The following POLD1 variants were observed in gnomAD, a reference collection of about 807,000 sequenced individuals.
POLD1 encodes DNA polymerase delta 1, catalytic subunit.
In POLD1, 79 loss-of-function variants were observed where a neutral mutation model predicts 129.7. The observed-to-expected ratio is 0.61, with a 90% CI of 0.51 to 0.73. The LOEUF (loss-of-function observed/expected upper bound fraction) is 0.73, where lower values mean the gene tolerates loss of function less well. Ranked by LOEUF, POLD1 falls within the 30% of genes least tolerant of loss-of-function variation. The probability of loss-of-function intolerance (pLI) is 0.00; values close to 1 mark genes in which losing one functional copy is unlikely to be tolerated. For missense variants in POLD1, 1,338 were observed against 1,595.8 expected, an observed-to-expected ratio of 0.84 and a Z score of 2.75; for synonymous variants, 714 against 683.3, an observed-to-expected ratio of 1.04 and a Z score of -0.70.
Position 50,417,264 on chromosome 19 carries a change from C to T in POLD1, c.3213C>T (p.Cys1071=), listed in dbSNP as rs767002660. 2.5e-6 allele frequency: 4 copies of T among 1,592,624 alleles called. No homozygotes were observed. The South Asian group carries it at 4.5e-5, about 18-fold the overall frequency. Residue 1071 remains cysteine (C), a synonymous_variant, in exon 26 of 27, where the codon TGC becomes TGT. Coordinates refer to ENST00000440232, the MANE Select transcript of POLD1 (RefSeq NM_002691.4). ...CQGSLHEDVI[C]TSRDCPIFYM... ...GCAGCCTGCACGAGGACGTCATCTG[C>T]ACCAGGTGTGTGCCATGTCCCGACC... is the stretch of plus-strand genomic sequence containing the variant.
chr19:50,413,977 A>T lies in POLD1; in HGVS notation c.2388+98A>T, dbSNP rs1340705439. On this transcript the variant is annotated intron_variant, in intron 19 of 26. Coordinates refer to ENST00000440232, the MANE Select transcript of POLD1 (RefSeq NM_002691.4). ...TTCACAAAAGCCACAGTGTGAAGGGATGTTGCTGCTTAGATTCTCCTGAGG... is the reference window on the plus strand; with the variant it reads ...TTCACAAAAGCCACAGTGTGAAGGGTTGTTGCTGCTTAGATTCTCCTGAGG... 5 of 1,278,508 alleles carry T rather than the reference A, an allele frequency of 3.9e-6. No homozygotes were observed. The East Asian group carries it at 9.9e-5, about 25-fold the overall frequency. The allele number at this position is 1,278,508 out of a possible 1,614,324, so 79.2% of individuals were successfully genotyped here. A position where few individuals can be genotyped will look rare whatever the true frequency, so the allele number is the denominator to read the frequency against.
rs1223342533 is a variant in POLD1, at chr19:50,401,989, C to A, written c.464-10C>A. 1 of 1,614,154 alleles carries A rather than the reference C, an allele frequency of 6.2e-7. No homozygotes were observed. Among genetic ancestry groups the A allele is most frequent in the South Asian group, 1.1e-5 (1 of 91,084 alleles). On this transcript the variant is annotated splice_polypyrimidine_tract_variant and intron_variant, in intron 4 of 26. Transcript: ENST00000440232. ...GCCCCCTGCACCTCTGATCATCCCT[C>A]CCACACCAGGTTTCGGGCCCGAGCA...
At chr19:50,385,253 C>A (rs3219292) in intron 1 of POLD1, among the ~76,000 whole-genome samples, 2,682 of 152,158 alleles carry the variant, frequency 0.018, 72 homozygotes, top group African/African-American at 0.058. Context: ...AATCAGGCTC[C>A]GGTTACCTTT....
At chr19:50,413,151 C>G (rs1276535652) in intron 17 of POLD1, among the ~76,000 whole-genome samples, 3 of 152,164 alleles carry the variant, frequency 2.0e-5, no homozygotes, top group Non-Finnish European at 4.4e-5. Flanking sequence ...CCTCTTCAGG[C>G]CGCAGTCTTT....
intron 2 of POLD1, 119 bp from the exon 3 acceptor site, chr19:50,399,252 C>A: frequency 2.6e-6 from 3 of 1,150,728 alleles, no homozygotes; most frequent in South Asian, 1.4e-5. Context: ...CATTCTCTTC[C>A]AAGTTTCCTG....
chr19:50,408,656 T>C, intron 14 of POLD1, 129 bp from the exon 15 acceptor site: 1 of 1,381,880 alleles, frequency 7.2e-7, no homozygotes, highest in Non-Finnish European at 9.8e-7. Context: ...GTGCTGGGAT[T>C]GCAGGAGCGA....
chr19:50,398,748 T>C, intron 1 of POLD1, 103 bp from the exon 2 acceptor site: 1 of 1,512,320 alleles, frequency 6.6e-7, no homozygotes, highest in Non-Finnish European at 8.8e-7. Flanking sequence ...CAGTCCAGAG[T>C]AGGAAAAGGC....
Position 50,416,430 on chromosome 19 carries a change from T to C in POLD1, c.2855T>C (p.Ile952Thr), listed in dbSNP as rs1555793299. The change falls in exon 23 of 27, where the codon ATT (isoleucine) becomes ACT (threonine). Residue 952 changes from isoleucine (I) to threonine (T), a missense_variant. This residue lies in a region of POLD1 where 286 missense variants were observed against 277.5 expected (regional missense o/e 1.03). Transcript: ENST00000440232. ...TTCGTGCTGGAGCACAGCCTGCCCA[T>C]TGACACGCAGTACTACCTGGAGCAG... The part of the protein sequence containing the change: ...PLFVLEHSLP[I>T]DTQYYLEQQL... The C allele has an allele frequency of 2.6e-6, 4 of 1,549,986 alleles. No homozygotes were observed. In the East Asian group the frequency reaches 7.3e-5, roughly 28 times the overall value.
chr19:50,389,972 G>A (rs897595730), intron 1 of POLD1, among the ~76,000 whole-genome samples: 4 of 144,326 alleles, frequency 2.8e-5, no homozygotes, highest in African/African-American at 1.0e-4. Context: ...GCAGTGGTGC[G>A]ATCTTGGCTC....
chr19:50,406,877 TCCCAGGCCCTC>T lies in POLD1; in HGVS notation c.1495-98_1495-88del. ...GGAGGGCCCTCCTGCCCGCCTCACCTCCCAGGCCCTCCCCAGGCTACCTCACCCTGACCCCC... is the reference window on the plus strand; with the variant it reads ...GGAGGGCCCTCCTGCCCGCCTCACCTCCCAGGCTACCTCACCCTGACCCCC... On this transcript the variant is annotated intron_variant, in intron 12 of 26. Coordinates refer to ENST00000440232, the MANE Select transcript of POLD1 (RefSeq NM_002691.4). This position sits in a 1 kb window ranked among gnomAD's most constrained non-coding sequence, Gnocchi z 5.5. 1 of 859,724 alleles carries T rather than the reference TCCCAGGCCCTC, an allele frequency of 1.2e-6. No individual in the cohort carries two copies. Among genetic ancestry groups the T allele is most frequent in the South Asian group, 1.7e-5 (1 of 59,918 alleles). The allele number at this position is 859,724 out of a possible 1,614,324, so 53.3% of individuals were successfully genotyped here. A position where few individuals can be genotyped will look rare whatever the true frequency, so the allele number is the denominator to read the frequency against.
chr19:50,408,957 G>A, intron 15 of POLD1, 56 bp downstream of exon 15: 1 of 1,537,506 alleles, frequency 6.5e-7, no homozygotes, highest in Admixed American at 1.8e-5. Flanking sequence ...CTTCCCTTGG[G>A]GGGCTCAGTC....
rs9282831 is a variant in POLD1 at position 50,398,912 on chromosome 19, G to T, written c.61G>T (p.Gly21Cys). The T allele has an allele frequency of 3.8e-6, 6 of 1,599,132 alleles. No individual in the cohort carries two copies. Among genetic ancestry groups the T allele is most frequent in the Non-Finnish European group, 5.1e-6 (6 of 1,174,328 alleles). The change falls in exon 2 of 27, where the codon GGC (glycine) becomes TGC (cysteine). Residue 21 changes from glycine (G) to cysteine (C), a missense_variant. Around this residue, in one of 3 missense-constraint regions of POLD1, gnomAD observed 332 missense variants for 315.7 expected, o/e 1.05. Transcript: ENST00000440232. ...PGVPPKRARG[G>C]LWDDDDAPRP... ...GGTGCCCCCAAAGCGGGCCCGTGGGGGCCTCTGGGATGATGATGATGCACC... is the reference window on the plus strand; with the variant it reads ...GGTGCCCCCAAAGCGGGCCCGTGGGTGCCTCTGGGATGATGATGATGCACC...
chr19:50,388,552 C>T (rs921185616), intron 1 of POLD1, among the ~76,000 whole-genome samples: 1 of 152,172 alleles, frequency 6.6e-6, no homozygotes, highest in Non-Finnish European at 1.5e-5. Context: ...TACTCTTCTG[C>T]CCACCTTGTA....
At chr19:50,392,118 T>C (rs1411740920) in intron 1 of POLD1, among the ~76,000 whole-genome samples, 2 of 152,142 alleles carry the variant, frequency 1.3e-5, no homozygotes, top group Admixed American at 1.3e-4. Flanking sequence ...TTGCCCAGAC[T>C]GTATTGCAGT....
In POLD1 at chr19:50,414,539, G is replaced by C. The variant is rs1274609; in HGVS notation, c.2389-276G>C. 0.095 allele frequency among the ~76,000 whole-genome samples: 14,437 copies of C among 151,276 alleles called. 2,229 individuals are homozygous for C. Among genetic ancestry groups the C allele is most frequent in the African/African-American group, 0.32 (13,143 of 40,586 alleles). On this transcript the variant is annotated intron_variant, in intron 19 of 26. Coordinates refer to ENST00000440232, the MANE Select transcript of POLD1 (RefSeq NM_002691.4). ...CTTTCATGGGATGCTTCATCGACTCGCCTGTCTGGATCTCATGTTTTAGGG... is the reference window on the plus strand; with the variant it reads ...CTTTCATGGGATGCTTCATCGACTCCCCTGTCTGGATCTCATGTTTTAGGG...
At chr19:50,399,792 C>T (rs765062117) in intron 3 of POLD1, among the ~76,000 whole-genome samples, 3 of 152,228 alleles carry the variant, frequency 2.0e-5, no homozygotes. Flanking sequence ...ATTCATAACA[C>T]CAGACACATA....
Position 50,409,729 on chromosome 19 carries a change from G to C in POLD1, c.2154+63G>C, listed in dbSNP as rs1333826583. On this transcript the variant is annotated intron_variant, in intron 17 of 26. Transcript: ENST00000440232. This position sits in a 1 kb window ranked among gnomAD's most constrained non-coding sequence, Gnocchi z 5.8. ...GTGGGCCCCCTGTGTAGGAGACCAG[G>C]GCTCCATGTGGGGGACCTGTATCCA... 6.6e-7 allele frequency: 1 copy of C among 1,507,466 alleles called. No individual in the cohort carries two copies. Among genetic ancestry groups the C allele is most frequent in the East Asian group, 2.3e-5 (1 of 43,988 alleles). The allele number at this position is 1,507,466 out of a possible 1,614,324, so 93.4% of individuals were successfully genotyped here.
In POLD1 at chr19:50,406,281, G is replaced by T. The variant is rs748429803; in HGVS notation, c.1342G>T (p.Val448Phe). ...SKQTGRRDTKVVSMVGRVQMD... is the reference protein window; with the variant it reads ...SKQTGRRDTKFVSMVGRVQMD... The stretch of plus-strand genomic sequence containing the variant: ...GCAGACGGGCCGGCGGGACACCAAG[G>T]TTGTCAGCATGGTGGGCCGCGTGCA... Residue 448 changes from valine (V) to phenylalanine (F), a missense_variant, in exon 11 of 27, where the codon GTT (valine) becomes TTT (phenylalanine). By Grantham distance (50) the Val-to-Phe change is conservative (BLOSUM62 -1). Around this residue, in one of 3 missense-constraint regions of POLD1, gnomAD observed 720 missense variants for 1,002.6 expected, o/e 0.72. Transcript: ENST00000440232. This position sits in a 1 kb window ranked among gnomAD's most constrained non-coding sequence, Gnocchi z 5.5. The T allele has an allele frequency of 6.2e-7, 1 of 1,614,036 alleles. No homozygotes were observed.
At chr19:50,416,189 T>G in intron 22 of POLD1, 1 of 600,880 alleles carries the variant, frequency 1.7e-6, no homozygotes, top group Non-Finnish European at 2.9e-6. Context: ...CCTTGTGAAC[T>G]CTGACCCTTC....
Sources: allele counts gnomAD v4.1 joint callset (sites outside exome capture counted in the v4.1 genomes callset), GRCh38; gene constraint gnomAD v4.1.1; regional missense constraint gnomAD v4.1.1; non-coding constraint Gnocchi (gnomAD v3.1); transcripts MANE v1.5; gene names NCBI Gene and HGNC (gene_info 2026-07-23, HGNC 2026-07-21).